Variants in MPRIP observed in about 807,000 individuals in gnomAD.
The protein encoded by MPRIP is myosin phosphatase Rho interacting protein.
A neutral mutation model predicts 234.9 loss-of-function variants in MPRIP; 59 were observed. That is an observed-to-expected ratio of 0.25 (90% confidence interval 0.20 to 0.31). MPRIP has a LOEUF of 0.31. Among genes scored for constraint, MPRIP ranks in the 10% least tolerant of loss-of-function variants. The probability of loss-of-function intolerance (pLI) is 1.00; values close to 1 mark genes in which losing one functional copy is unlikely to be tolerated. For missense variants in MPRIP, 2,436 were observed against 3,071.0 expected (o/e 0.79, Z 4.89); for synonymous variants, 1,144 against 1,263.9 (o/e 0.91, Z 2.01).
chr17:17,088,007 C>T (rs2144122055), intron 3 of MPRIP, among the ~76,000 whole-genome samples: 1 of 152,260 alleles, frequency 6.6e-6, no homozygotes, highest in Admixed American at 6.5e-5. Flanking sequence ...AATGAGATAC[C>T]CACATTCTCT....
intron 3 of MPRIP, among the ~76,000 whole-genome samples, chr17:17,104,705 G>A (rs1042532674): frequency 4.6e-5 from 7 of 152,138 alleles, no homozygotes; most frequent in Admixed American, 4.6e-4. Flanking sequence ...AGCCACCCAC[G>A]AGGTCTCAGT....
chr17:17,079,190 T>C (rs774434472), intron 3 of MPRIP, among the ~76,000 whole-genome samples: 1 of 152,204 alleles, frequency 6.6e-6, no homozygotes, highest in Non-Finnish European at 1.5e-5. Flanking sequence ...TCTACTTTTG[T>C]TTCTGGGGTG....
At chr17:17,094,670 G>A (rs548477104) in intron 3 of MPRIP, among the ~76,000 whole-genome samples, 3 of 149,500 alleles carry the variant, frequency 2.0e-5, no homozygotes, top group East Asian at 2.0e-4. Flanking sequence ...AGGTACAGTA[G>A]CACAATGTTG....
chr17:17,060,832 G>A (rs1208279996), intron 1 of MPRIP, among the ~76,000 whole-genome samples: 2 of 152,214 alleles, frequency 1.3e-5, no homozygotes, highest in African/African-American at 2.4e-5. Context: ...AGCCTATATT[G>A]AGGAAGGTAG....
intron 14 of MPRIP, 129 bp downstream of exon 14, chr17:17,159,131 G>A: frequency 4.3e-6 from 4 of 933,708 alleles, no homozygotes; most frequent in Non-Finnish European, 6.4e-6. Flanking sequence ...ACCCCTAGGG[G>A]AGACAGACGC....
intron 23 of MPRIP, chr17:17,183,309 G>A (rs901851632): frequency 3.3e-5 from 5 of 152,232 alleles, no homozygotes; most frequent in African/African-American, 4.8e-5. Flanking sequence ...TCCGCCTCCC[G>A]GGTTCACGCC....
At chr17:17,150,007 T>C in intron 11 of MPRIP, 137 bp from the exon 12 acceptor site, 3 of 676,888 alleles carry the variant, frequency 4.4e-6, no homozygotes, top group Admixed American at 2.1e-5. Flanking sequence ...AGTAGTAGGA[T>C]AGACGGTGTC....
Position 17,078,100 on chromosome 17 carries a change from C to T in MPRIP, c.267+24C>T. ...TGGTAAGTGTTATCCTTGCCCACTCCCTGTCCCCAGCCTTCACCAAGTCCC... is the reference window on the plus strand; with the variant it reads ...TGGTAAGTGTTATCCTTGCCCACTCTCTGTCCCCAGCCTTCACCAAGTCCC... On this transcript the variant is annotated intron_variant, in intron 3 of 23. Coordinates refer to ENST00000651222, the MANE Select transcript of MPRIP (RefSeq NM_001364716.4). The surrounding 1 kb of genome is among the most constrained non-coding windows in gnomAD (Gnocchi z 4.3). The T allele has an allele frequency of 6.2e-7, 1 of 1,613,198 alleles. No individual in the cohort carries two copies. Among genetic ancestry groups the T allele is most frequent in the Non-Finnish European group, 8.5e-7 (1 of 1,179,266 alleles).
chr17:17,142,501 A>G lies in MPRIP; in HGVS notation c.1251-126A>G, dbSNP rs116131648. 1,560 of 1,126,648 alleles carry G rather than the reference A, an allele frequency of 1.4e-3. 13 individuals carry two copies. The African/African-American group carries it at 0.022, about 16-fold the overall frequency. The allele number at this position is 1,126,648 out of a possible 1,614,324, so 69.8% of individuals were successfully genotyped here. A position where few individuals can be genotyped will look rare whatever the true frequency, so the allele number is the denominator to read the frequency against. On this transcript the variant is annotated intron_variant, in intron 7 of 23. Coordinates refer to ENST00000651222, the MANE Select transcript of MPRIP (RefSeq NM_001364716.4). ...GGTCAGCTGAGCACGTGTCTAGACAACCTCGGTGCTGTGCAAGCCTGAGGG... is the reference window on the plus strand; with the variant it reads ...GGTCAGCTGAGCACGTGTCTAGACAGCCTCGGTGCTGTGCAAGCCTGAGGG...
At chr17:17,098,974 A>G (rs1357841925) in intron 3 of MPRIP, among the ~76,000 whole-genome samples, 1 of 152,122 alleles carries the variant, frequency 6.6e-6, no homozygotes, top group Non-Finnish European at 1.5e-5. Flanking sequence ...AGCAGGGGGT[A>G]GTGGGGTGGG....
intron 1 of MPRIP, among the ~76,000 whole-genome samples, chr17:17,047,077 A>T (rs1280345812): frequency 6.6e-6 from 1 of 152,212 alleles, no homozygotes; most frequent in Non-Finnish European, 1.5e-5. Context: ...ACTCCTTGGG[A>T]GGCTGAGGCA....
rs76951642 is a variant in MPRIP, at chr17:17,065,262, T to C, written c.124-10448T>C. Reference sequence around the variant, plus strand: ...TTCGTGGCTTATCTTTTCATCTTCCTTAGGACTTTGTGCAGAGCAAAAGTT... The same window carrying C: ...TTCGTGGCTTATCTTTTCATCTTCCCTAGGACTTTGTGCAGAGCAAAAGTT... On this transcript the variant is annotated intron_variant, in intron 1 of 23. Coordinates refer to ENST00000651222, the MANE Select transcript of MPRIP (RefSeq NM_001364716.4). 6.9e-3 allele frequency among the ~76,000 whole-genome samples: 1,045 copies of C among 152,346 alleles called. 16 individuals carry two copies. The highest frequency in any genetic ancestry group is 0.024 in the African/African-American group (1,014 of 41,580).
intron 3 of MPRIP, among the ~76,000 whole-genome samples, chr17:17,112,271 C>T (rs1224178901): frequency 1.3e-5 from 2 of 152,170 alleles, no homozygotes; most frequent in Admixed American, 6.5e-5. Flanking sequence ...TCTCCCAGGA[C>T]AAGTCTCGAG....
intron 3 of MPRIP, among the ~76,000 whole-genome samples, chr17:17,087,060 G>C (rs2089607487): frequency 6.6e-6 from 1 of 152,188 alleles, no homozygotes; most frequent in Admixed American, 6.5e-5. Flanking sequence ...CCTCTGCCCA[G>C]AGGCCCAAGT....
intron 16 of MPRIP, among the ~76,000 whole-genome samples, chr17:17,169,486 C>G (rs2046083365): frequency 6.6e-6 from 1 of 152,244 alleles, no homozygotes; most frequent in Non-Finnish European, 1.5e-5. Flanking sequence ...AAAAAGAGGA[C>G]TGCCTTATGT....
rs1473656097 is a variant in MPRIP at position 17,189,221 on chromosome 17, C to T, written c.*4327C>T. The T allele has an allele frequency of 6.6e-6, 1 of 152,310 alleles. No homozygotes were observed. The highest frequency in any genetic ancestry group is 2.4e-5 in the African/African-American group (1 of 41,404). The allele number at this position is 152,310 out of a possible 1,614,324, so 9.4% of individuals were successfully genotyped here. ...TTTTTGTTTTCAAGACAGAGTCTCG[C>T]TCTGTTGTCCAGGCTGGAGTGTAGT... On this transcript the variant is annotated 3_prime_UTR_variant, in exon 24 of 24. Coordinates refer to ENST00000651222, the MANE Select transcript of MPRIP (RefSeq NM_001364716.4).
At chr17:17,154,485 A>C in intron 13 of MPRIP, 70 bp downstream of exon 13, 1 of 1,360,640 alleles carries the variant, frequency 7.3e-7, no homozygotes, top group Non-Finnish European at 1.1e-6. Flanking sequence ...GGGCAGTGTC[A>C]GACTCAGGTC....
intron 1 of MPRIP, among the ~76,000 whole-genome samples, chr17:17,049,141 G>A (rs184508276): frequency 2.0e-5 from 3 of 152,336 alleles, no homozygotes; most frequent in African/African-American, 7.2e-5. Flanking sequence ...AGGTAAATCT[G>A]TAGAAACAGA....
At chr17:17,117,648 A>T (rs945730450) in intron 3 of MPRIP, among the ~76,000 whole-genome samples, 2 of 152,232 alleles carry the variant, frequency 1.3e-5, no homozygotes, top group Non-Finnish European at 2.9e-5. Flanking sequence ...CCTTTTGGCT[A>T]TCGCGAATTA....
Sources: allele counts gnomAD v4.1 joint callset (sites outside exome capture counted in the v4.1 genomes callset), GRCh38; gene constraint gnomAD v4.1.1; non-coding constraint Gnocchi (gnomAD v3.1); transcripts MANE v1.5; gene names NCBI Gene and HGNC (gene_info 2026-07-23, HGNC 2026-07-21).